NPAS3: variants seen among roughly 807,000 people sequenced by gnomAD.
NPAS3 encodes neuronal PAS domain-containing protein 3.
NPAS3 carries 14 observed loss-of-function variants against 73.1 expected under a neutral mutation model. That is an observed-to-expected ratio of 0.19 (90% CI 0.13 to 0.30). The LOEUF (loss-of-function observed/expected upper bound fraction) is 0.30. Ranked by LOEUF, NPAS3 falls within the 10% of genes least tolerant of loss-of-function variation. NPAS3 has a pLI of 1.00. For missense variants in NPAS3, 1,096 were observed against 1,250.0 expected, an observed-to-expected ratio of 0.88 and a Z score of 1.86; for synonymous variants, 620 against 541.5, an observed-to-expected ratio of 1.14 and a Z score of -2.01.
intron 2 of NPAS3, among the ~76,000 whole-genome samples, chr14:33,200,926 T>C (rs1201399529): frequency 2.0e-5 from 3 of 152,230 alleles, no homozygotes; most frequent in Non-Finnish European, 2.9e-5. Flanking sequence ...TGCATAATTT[T>C]CTTTGATCCT....
At chr14:33,491,272 G>C (rs576869219) in intron 4 of NPAS3, among the ~76,000 whole-genome samples, 25 of 151,516 alleles carry the variant, frequency 1.6e-4, no homozygotes, top group Admixed American at 8.5e-4. Context: ...GCCTAATAAG[G>C]GTTATGGAGA....
intron 4 of NPAS3, among the ~76,000 whole-genome samples, chr14:33,464,932 T>C (rs1185783207): frequency 6.6e-6 from 1 of 152,184 alleles, no homozygotes; most frequent in Admixed American, 6.5e-5. Flanking sequence ...TAATGTTAGC[T>C]GTTGTTATCG....
chr14:33,514,707 A>G (rs1341816002), intron 4 of NPAS3, among the ~76,000 whole-genome samples: 3 of 152,068 alleles, frequency 2.0e-5, no homozygotes, highest in Admixed American at 1.3e-4. Context: ...TATCCTAAAC[A>G]CTTGCTACTC....
chr14:33,609,883 G>A (rs148166562), intron 5 of NPAS3, among the ~76,000 whole-genome samples: 1 of 152,262 alleles, frequency 6.6e-6, no homozygotes, highest in Non-Finnish European at 1.5e-5. Context: ...CCTAATGCCA[G>A]CTGTGGGGGA....
intron 2 of NPAS3, among the ~76,000 whole-genome samples, chr14:33,151,682 A>T (rs1366205435): frequency 6.6e-6 from 1 of 152,258 alleles, no homozygotes; most frequent in Non-Finnish European, 1.5e-5. Flanking sequence ...ATAATAACTG[A>T]ATACATAATT....
chr14:33,209,176 A>T (rs2046939398), intron 2 of NPAS3, among the ~76,000 whole-genome samples: 1 of 152,088 alleles, frequency 6.6e-6, no homozygotes, highest in African/African-American at 2.4e-5. Flanking sequence ...TCAATTTGTG[A>T]TCTTTGTTGT....
upstream of NPAS3, chr14:32,934,861 C>A: frequency 1.6e-6 from 1 of 614,390 alleles, no homozygotes; most frequent in Non-Finnish European, 2.0e-6. This position sits in a 1 kb window ranked among gnomAD's most constrained non-coding sequence, Gnocchi z 4.1. Flanking sequence ...CCGAATCTTT[C>A]CGGATTTCAG....
At chr14:33,549,828 C>T (rs1039900104) in intron 4 of NPAS3, among the ~76,000 whole-genome samples, 9 of 152,142 alleles carry the variant, frequency 5.9e-5, no homozygotes, top group Non-Finnish European at 1.2e-4. Flanking sequence ...ATTGAGATTT[C>T]GGTGTAATCA....
Position 33,800,956 on chromosome 14 carries a change from A to C in NPAS3, c.2649A>C (p.Gly883=). ...ACGTGCACCGGCTCAACATGTCAGG[A>C]CCGTTCGGCGGCGCAGTGAGCGCAG... Residue 883 remains glycine, a synonymous_variant, in exon 12 of 12, where the codon GGA becomes GGC. Coordinates refer to ENST00000356141, the Ensembl canonical transcript of NPAS3. The surrounding 1 kb of genome is among the most constrained non-coding windows in gnomAD (Gnocchi z 6.5). 6.2e-7 allele frequency: 1 copy of C among 1,602,500 alleles called. No individual in the cohort carries two copies. The highest frequency in any genetic ancestry group is 8.5e-7 in the Non-Finnish European group (1 of 1,175,202).
chr14:33,540,635 G>A (rs2054467978), intron 4 of NPAS3, among the ~76,000 whole-genome samples: 1 of 152,070 alleles, frequency 6.6e-6, no homozygotes, highest in African/African-American at 2.4e-5. Flanking sequence ...CTGGGAATAG[G>A]GAAAAAAAGA....
intron 4 of NPAS3, among the ~76,000 whole-genome samples, chr14:33,411,448 G>C (rs1266998650): frequency 6.6e-6 from 1 of 152,184 alleles, no homozygotes. Context: ...TTCCCAAGGT[G>C]CTGGGATTAC....
At chr14:33,148,862 T>A (rs1190936365) in intron 2 of NPAS3, among the ~76,000 whole-genome samples, 1 of 151,986 alleles carries the variant, frequency 6.6e-6, no homozygotes, top group African/African-American at 2.4e-5. Flanking sequence ...TAATTTTAAT[T>A]TTTTGGTTGA....
chr14:33,551,332 C>A (rs2055104095), intron 4 of NPAS3, among the ~76,000 whole-genome samples: 1 of 152,096 alleles, frequency 6.6e-6, no homozygotes, highest in South Asian at 2.1e-4. Flanking sequence ...AACCTCCTTA[C>A]CTAAAGAAAT....
At chr14:33,714,222 TC>T (rs1489360725) in intron 6 of NPAS3, among the ~76,000 whole-genome samples, 2 of 152,062 alleles carry the variant, frequency 1.3e-5, no homozygotes, top group Non-Finnish European at 2.9e-5. Flanking sequence ...GTCTTATTTG[TC>T]CCCACAGCAT....
At chr14:33,273,397 G>T (rs1460844349) in intron 3 of NPAS3, among the ~76,000 whole-genome samples, 2 of 152,122 alleles carry the variant, frequency 1.3e-5, no homozygotes, top group Non-Finnish European at 2.9e-5. Flanking sequence ...ATAAAATCTA[G>T]GTTTGAATCC....
intron 3 of NPAS3, among the ~76,000 whole-genome samples, chr14:33,300,374 T>C (rs1358000842): frequency 6.6e-6 from 1 of 152,220 alleles, no homozygotes; most frequent in East Asian, 1.9e-4. Context: ...AATATTGGCT[T>C]AACTATTATA....
At chr14:33,444,324 G>A (rs2139309615) in intron 4 of NPAS3, among the ~76,000 whole-genome samples, 1 of 152,260 alleles carries the variant, frequency 6.6e-6, no homozygotes, top group African/African-American at 2.4e-5. Flanking sequence ...AACAAGCAGG[G>A]GGTGAAAACT....
chr14:33,312,189 TG>T (rs1176551549), intron 3 of NPAS3, among the ~76,000 whole-genome samples: 1 of 152,096 alleles, frequency 6.6e-6, no homozygotes, highest in African/African-American at 2.4e-5. Context: ...TCAAGATAAT[TG>T]CTATAATTAT....
chr14:33,151,264 G>A (rs964357819), intron 2 of NPAS3, among the ~76,000 whole-genome samples: 1 of 152,264 alleles, frequency 6.6e-6, no homozygotes. Flanking sequence ...CTGAGGCCTC[G>A]GTTGCTAGTT....
Sources: gnomAD v4.1 joint callset for allele counts (sites outside exome capture counted in the v4.1 genomes callset) on GRCh38, gnomAD v4.1.1 for gene constraint, Gnocchi (gnomAD v3.1) non-coding constraint, MANE v1.5 for transcripts, NCBI Gene and HGNC (gene_info 2026-07-23, HGNC 2026-07-21) for gene names.